AHDC1: variants seen among roughly 807,000 people sequenced by gnomAD.
AHDC1 encodes the protein AT-hook DNA binding motif containing 1, also known as transcription factor Gibbin.
In AHDC1, 7 loss-of-function variants were observed where a neutral mutation model predicts 87.9. That is an observed-to-expected ratio of 0.08 (90% CI 0.05 to 0.15). AHDC1 has a LOEUF of 0.15. Among genes scored for constraint, AHDC1 ranks in the 10% least tolerant of loss-of-function variants. The pLI, the probability that AHDC1 is intolerant of heterozygous loss-of-function variation, is 1.00. For missense variants in AHDC1, 1,841 were observed against 2,253.2 expected (o/e 0.82, Z 3.70); for synonymous variants, 1,051 against 1,006.8 (o/e 1.04, Z -0.83).
rs2019262218 is a variant in AHDC1 at position 27,547,845 on chromosome 1, G to C, written c.4271C>G (p.Pro1424Arg). ...GGCCCCCTGGAGTCCATGCTTGAGG[G>C]GCTCGCAGGCAGCCAGCTTTGTGGG... is the stretch of plus-strand genomic sequence containing the variant. ...PPPTKLAACE[P>R]LKHGLQGASL... The change falls in exon 8 of 9, where the codon CCC (proline) becomes CGC (arginine). Residue 1424 changes from proline to arginine, a missense_variant. By Grantham distance (103) the Pro-to-Arg change is moderately radical. Around this residue, in one of 13 missense-constraint regions of AHDC1, gnomAD observed 505 missense variants for 626.2 expected, o/e 0.81. Transcript: ENST00000673934. This position sits in a 1 kb window ranked among gnomAD's most constrained non-coding sequence, Gnocchi z 4.9. 2 of 1,548,614 alleles carry C rather than the reference G, an allele frequency of 1.3e-6. No individual in the cohort carries two copies. Among genetic ancestry groups the C allele is most frequent in the East Asian group, 4.5e-5 (2 of 44,212 alleles).
In AHDC1 at chr1:27,590,960, C is replaced by T. The variant is rs914906795; in HGVS notation, c.-629+12437G>A. Among the ~76,000 whole-genome samples the T allele has an allele frequency of 6.6e-6, 1 of 152,114 alleles. No homozygotes were observed. Among genetic ancestry groups the T allele is most frequent in the Non-Finnish European group, 1.5e-5 (1 of 68,006 alleles). On this transcript the variant is annotated intron_variant, in intron 3 of 8. Coordinates refer to ENST00000673934, the MANE Select transcript of AHDC1 (RefSeq NM_001371928.1). The surrounding 1 kb of genome is among the most constrained non-coding windows in gnomAD (Gnocchi z 5.4). ...AGAGACTAAGGTTGAGGAGGAGAAA[C>T]GAGATGCTCCATGATTTATGAGCCT...
chr1:27,549,926 C>G lies in AHDC1; in HGVS notation c.2190G>C (p.Glu730Asp), dbSNP rs1156810581. 1.2e-6 allele frequency: 2 copies of G among 1,613,430 alleles called. No individual in the cohort carries two copies. Among genetic ancestry groups the G allele is most frequent in the Non-Finnish European group, 1.7e-6 (2 of 1,179,860 alleles). Residue 730 changes from glutamate to aspartate, a missense_variant, in exon 8 of 9, where the codon GAG (glutamate) becomes GAC (aspartate). Coordinates refer to ENST00000673934, the MANE Select transcript of AHDC1 (RefSeq NM_001371928.1). ...LGHPRKRGRGEVDAVTGKPKR... is the reference protein window; with the variant it reads ...LGHPRKRGRGDVDAVTGKPKR... Reference sequence around the variant, plus strand: ...TTGGCTTCCCAGTCACAGCGTCTACCTCCCCCCGGCCCCGTTTGCGTGGGT... The same window carrying G: ...TTGGCTTCCCAGTCACAGCGTCTACGTCCCCCCGGCCCCGTTTGCGTGGGT...
At chr1:27,585,749 TC>T (rs1309817044) in intron 3 of AHDC1, among the ~76,000 whole-genome samples, 3 of 151,688 alleles carry the variant, frequency 2.0e-5, no homozygotes, top group Non-Finnish European at 4.4e-5. Flanking sequence ...TCTGACCTAA[TC>T]CCCCCACCCT....
At chr1:27,576,498 A>G (rs1293348280) in intron 3 of AHDC1, among the ~76,000 whole-genome samples, 3 of 152,224 alleles carry the variant, frequency 2.0e-5, no homozygotes, top group African/African-American at 7.2e-5. Flanking sequence ...GCCTCCATAA[A>G]GTAGGTAATA....
chr1:27,540,531 G>A (rs989714513), intron 8 of AHDC1, among the ~76,000 whole-genome samples: 1 of 152,102 alleles, frequency 6.6e-6, no homozygotes, highest in Non-Finnish European at 1.5e-5. Flanking sequence ...GCATTCCCAG[G>A]AAGGGCTGTC....
At chr1:27,597,200 G>T (rs1489518805) in intron 3 of AHDC1, among the ~76,000 whole-genome samples, 1 of 152,196 alleles carries the variant, frequency 6.6e-6, no homozygotes, top group Non-Finnish European at 1.5e-5. Flanking sequence ...GACTGCCACT[G>T]TATGTAGGAG....
At chr1:27,585,675 G>T (rs1357969199) in intron 3 of AHDC1, among the ~76,000 whole-genome samples, 1 of 152,036 alleles carries the variant, frequency 6.6e-6, no homozygotes, top group Non-Finnish European at 1.5e-5. Context: ...TTGTGGCAGG[G>T]ACCCCCTCCT....
In AHDC1 at chr1:27,560,015, A is replaced by G. The variant is rs2019996731; in HGVS notation, c.-628-1132T>C. Among the ~76,000 whole-genome samples the G allele has an allele frequency of 6.6e-6, 1 of 152,090 alleles. No individual in the cohort carries two copies. The highest frequency in any genetic ancestry group is 1.5e-5 in the Non-Finnish European group (1 of 68,026). On this transcript the variant is annotated intron_variant, in intron 3 of 8. Coordinates refer to ENST00000673934, the MANE Select transcript of AHDC1 (RefSeq NM_001371928.1). The surrounding 1 kb of genome is among the most constrained non-coding windows in gnomAD (Gnocchi z 4.1). The stretch of plus-strand genomic sequence containing the variant: ...TTCGTGTGCTTCTCTGTATTTCTGT[A>G]CGTCTGTGTGGGTACATGTGGGCTT...
At chr1:27,569,132 G>A (rs547067979) in intron 3 of AHDC1, among the ~76,000 whole-genome samples, 1 of 151,586 alleles carries the variant, frequency 6.6e-6, no homozygotes, top group East Asian at 2.0e-4. Flanking sequence ...ACAGCCCTGG[G>A]GACACTGACG....
intron 7 of AHDC1, 62 bp from the exon 8 acceptor site, chr1:27,552,251 T>A: frequency 7.4e-7 from 1 of 1,357,288 alleles, no homozygotes; most frequent in Non-Finnish European, 9.5e-7. Flanking sequence ...CAGCTTCCCA[T>A]ATCCTTGATG....
chr1:27,580,181 G>A (rs2088866663), intron 3 of AHDC1, among the ~76,000 whole-genome samples: 1 of 152,170 alleles, frequency 6.6e-6, no homozygotes, highest in Non-Finnish European at 1.5e-5. Context: ...CAAAGAGTTA[G>A]GGGTAAGCCC....
chr1:27,600,299 G>T (rs1255619985), intron 3 of AHDC1, among the ~76,000 whole-genome samples: 1 of 151,850 alleles, frequency 6.6e-6, no homozygotes, highest in Non-Finnish European at 1.5e-5. Context: ...TGTCCCAAGA[G>T]ACCCAGGGGA....
intron 3 of AHDC1, among the ~76,000 whole-genome samples, chr1:27,582,733 A>C (rs936815488): frequency 2.6e-5 from 4 of 152,044 alleles, no homozygotes; most frequent in African/African-American, 9.7e-5. Flanking sequence ...TGTGCTAAGC[A>C]CTCCTCACAG....
intron 3 of AHDC1, chr1:27,568,001 T>G (rs1208000089): frequency 6.6e-6 from 1 of 152,294 alleles, no homozygotes; most frequent in Admixed American, 6.5e-5. Flanking sequence ...CTGGGAAACC[T>G]GGTTTCCAGC....
chr1:27,551,134 G>C lies in AHDC1; in HGVS notation c.982C>G (p.Leu328Val), dbSNP rs1474797140. The C allele has an allele frequency of 6.3e-7, 1 of 1,596,444 alleles. No individual in the cohort carries two copies. Among genetic ancestry groups the C allele is most frequent in the Admixed American group, 1.7e-5 (1 of 57,252 alleles). ...DTLPDSLESQ[L>V]LDPQALDPLP... ...GGGTCGAGTGCCTGGGGGTCAAGCA[G>C]CTGCGACTCCAAGGAGTCAGGCAGG... The change falls in exon 8 of 9, where the codon CTG (leucine) becomes GTG (valine). Residue 328 changes from leucine (L) to valine (V), a missense_variant. Physicochemically the swap from Leu to Val is conservative, Grantham distance 32 (BLOSUM62 1). Around this residue, in one of 13 missense-constraint regions of AHDC1, gnomAD observed 370 missense variants for 391.5 expected, o/e 0.95. Transcript: ENST00000673934.
In AHDC1 at chr1:27,580,489, C is replaced by T. The variant is rs1247620471; in HGVS notation, c.-628-21606G>A. ...TTTGAAAACCCTCCCATACCTGTCCCCTTCCCTGCCATTTCTTCTTCCTGA... is the reference window on the plus strand; with the variant it reads ...TTTGAAAACCCTCCCATACCTGTCCTCTTCCCTGCCATTTCTTCTTCCTGA... On this transcript the variant is annotated intron_variant, in intron 3 of 8. Transcript: ENST00000673934. Among the ~76,000 whole-genome samples, 24 of 152,214 alleles carry T rather than the reference C, an allele frequency of 1.6e-4. 1 individual carries two copies. Among genetic ancestry groups the T allele is most frequent in the Admixed American group, 1.6e-3 (24 of 15,282 alleles).
chr1:27,536,080 T>C (rs573488957), intron 8 of AHDC1, among the ~76,000 whole-genome samples: 1 of 152,164 alleles, frequency 6.6e-6, no homozygotes, highest in South Asian at 2.1e-4. Context: ...CCTCCTCAGG[T>C]TCCTTAGGAG....
At position 27,547,357 on chromosome 1, in the gene AHDC1, C is replaced by A. The variant is rs745538283; in HGVS notation, c.4759G>T (p.Gly1587Trp). ...TCGGGGTGAGGTTCCGCCATGGGCC[C>A]CAGGAAGCCGCTCTTGGGGCCCCCA... ...LGGGPKSGFL[G>W]PMAEPHPEDT... The change falls in exon 8 of 9, where the codon GGG becomes TGG. Residue 1587 changes from glycine (G) to tryptophan (W), a missense_variant. This residue lies in a region of AHDC1 where 505 missense variants were observed against 626.2 expected (regional missense o/e 0.81). Transcript: ENST00000673934. The surrounding 1 kb of genome is among the most constrained non-coding windows in gnomAD (Gnocchi z 4.9). 6.4e-7 allele frequency: 1 copy of A among 1,555,264 alleles called. No individual in the cohort carries two copies. Among genetic ancestry groups the A allele is most frequent in the Non-Finnish European group, 8.7e-7 (1 of 1,152,206 alleles).
At chr1:27,592,868 C>A (rs1052627625) in intron 3 of AHDC1, among the ~76,000 whole-genome samples, 1 of 151,616 alleles carries the variant, frequency 6.6e-6, no homozygotes, top group South Asian at 2.1e-4. Context: ...TCCTCTACCT[C>A]GGGCCCAGCT....
Sources: allele counts gnomAD v4.1 joint callset (sites outside exome capture counted in the v4.1 genomes callset), GRCh38; gene constraint gnomAD v4.1.1; regional missense constraint gnomAD v4.1.1; non-coding constraint Gnocchi (gnomAD v3.1); transcripts MANE v1.5; gene names NCBI Gene and HGNC (gene_info 2026-07-23, HGNC 2026-07-21).